UST: variants seen among roughly 807,000 people sequenced by gnomAD.
The protein encoded by UST is uronyl 2-sulfotransferase.
In UST, 21 loss-of-function variants were observed where a neutral mutation model predicts 45.6. The observed-to-expected ratio is 0.46, with a 90% CI of 0.33 to 0.66. UST has a LOEUF of 0.66. UST is among the 30% of genes least tolerant of loss of function. UST has a pLI of 0.02. For missense variants in UST, 463 were observed against 512.4 expected (o/e 0.90, Z 0.93); for synonymous variants, 215 against 200.6 (o/e 1.07, Z -0.61).
intron 7 of UST, among the ~76,000 whole-genome samples, chr6:149,024,643 C>A (rs1329935340): frequency 5.9e-5 from 9 of 152,278 alleles, no homozygotes; most frequent in Middle Eastern, 6.8e-3. Flanking sequence ...GAGTTGGTGT[C>A]AAGTAGGTTA....
intron 1 of UST, among the ~76,000 whole-genome samples, chr6:148,767,942 G>GT (rs1000586051): frequency 7.2e-5 from 11 of 151,832 alleles, no homozygotes; most frequent in African/African-American, 1.7e-4. Context: ...CCCATTTCTA[G>GT]TTTTTTTTGT....
At chr6:148,761,597 G>A (rs1050898918) in intron 1 of UST, among the ~76,000 whole-genome samples, 3 of 152,204 alleles carry the variant, frequency 2.0e-5, no homozygotes, top group Non-Finnish European at 4.4e-5. Flanking sequence ...ACCACAGTGG[G>A]GAAGAAACCA....
intron 5 of UST, among the ~76,000 whole-genome samples, chr6:149,008,086 T>A (rs548020342): frequency 2.0e-5 from 3 of 152,140 alleles, no homozygotes; most frequent in Admixed American, 6.5e-5. Context: ...GTGCAGTCCG[T>A]GAGCTAACTT....
intron 1 of UST, among the ~76,000 whole-genome samples, chr6:148,847,545 TC>T (rs1778015734): frequency 6.6e-6 from 1 of 152,196 alleles, no homozygotes; most frequent in Admixed American, 6.5e-5. Context: ...AAATTTCCCC[TC>T]GTGTGGTTGT....
intron 1 of UST, among the ~76,000 whole-genome samples, chr6:148,764,010 T>G (rs755936911): frequency 6.6e-6 from 1 of 152,212 alleles, no homozygotes; most frequent in Non-Finnish European, 1.5e-5. Flanking sequence ...ATTTTAGGAT[T>G]GTTTTTTCTA....
chr6:148,948,083 A>G (rs925856738), intron 3 of UST, among the ~76,000 whole-genome samples: 7 of 152,070 alleles, frequency 4.6e-5, no homozygotes, highest in African/African-American at 1.7e-4. Context: ...CTTCTTCTTC[A>G]TTGCAGGCGT....
At chr6:149,005,185 T>TGGGTA (rs1252505509) in intron 5 of UST, 18 of 483,814 alleles carry the variant, frequency 3.7e-5, no homozygotes, top group Non-Finnish European at 4.6e-5. Flanking sequence ...TCTTCTGGCT[T>TGGGTA]GGGTAGGGCA....
At chr6:148,908,148 C>T (rs1779403827) in intron 2 of UST, among the ~76,000 whole-genome samples, 1 of 152,026 alleles carries the variant, frequency 6.6e-6, no homozygotes, top group South Asian at 2.1e-4. Context: ...ACCAGGGTCT[C>T]ATTTTAGCTA....
chr6:148,756,102 C>T (rs1314337614), intron 1 of UST, among the ~76,000 whole-genome samples: 1 of 147,918 alleles, frequency 6.8e-6, no homozygotes, highest in African/African-American at 2.5e-5. Flanking sequence ...TGAGAACATG[C>T]GGTGTTTGGT....
chr6:148,956,259 T>C (rs1248513291), intron 4 of UST: 3 of 158,762 alleles, frequency 1.9e-5, no homozygotes, highest in Admixed American at 6.5e-5. Context: ...TCCGTTTTCA[T>C]GCTGCTGATA....
intron 1 of UST, among the ~76,000 whole-genome samples, chr6:148,853,013 A>G (rs1264919868): frequency 6.6e-6 from 1 of 152,180 alleles, no homozygotes; most frequent in African/African-American, 2.4e-5. Context: ...GGTTTGTTAC[A>G]TAGGTAAACG....
At chr6:149,033,341 G>A (rs1776185277) in intron 7 of UST, among the ~76,000 whole-genome samples, 2 of 152,166 alleles carry the variant, frequency 1.3e-5, no homozygotes, top group Admixed American at 1.3e-4. Context: ...ATTTTATAAT[G>A]GAAGCTTCTA....
In UST at chr6:148,924,322, T is replaced by G. The variant is rs538352792; in HGVS notation, c.292-16957T>G. On this transcript the variant is annotated intron_variant, in intron 2 of 7. Coordinates refer to ENST00000367463, the MANE Select transcript of UST (RefSeq NM_005715.3). ...CTCACCCCCACTTCAGGGCCAGATG[T>G]CCCTACTCATTGGTCCCTTATCACC... Among the ~76,000 whole-genome samples, 5 of 152,320 alleles carry G rather than the reference T, an allele frequency of 3.3e-5. No individual in the cohort carries two copies. The South Asian group carries it at 1.0e-3, about 32-fold the overall frequency.
intron 5 of UST, among the ~76,000 whole-genome samples, chr6:148,994,421 G>A (rs1781411706): frequency 6.6e-6 from 1 of 152,170 alleles, no homozygotes; most frequent in African/African-American, 2.4e-5. Flanking sequence ...GAAAACTGCT[G>A]ATAATCCAAA....
At position 149,008,510 on chromosome 6, in the gene UST, G is replaced by A. The variant is rs145056188; in HGVS notation, c.682-10629G>A. On this transcript the variant is annotated intron_variant, in intron 5 of 7. Transcript: ENST00000367463. ...AAGGACATGTTAAAGGGTGAGACAC[G>A]CAACAGTGAGCAGAAAAACAAGGTT... Among the ~76,000 whole-genome samples the A allele has an allele frequency of 1.9e-3, 296 of 152,234 alleles. 1 individual carries two copies. The highest frequency in any genetic ancestry group is 6.5e-3 in the African/African-American group (268 of 41,544).
chr6:149,025,023 T>C (rs1776030856), intron 7 of UST, among the ~76,000 whole-genome samples: 1 of 152,098 alleles, frequency 6.6e-6, no homozygotes, highest in Non-Finnish European at 1.5e-5. Context: ...TGTATACCAG[T>C]CTCATTACAG....
chr6:148,892,783 GAATAATTGATATAT>G (rs1199703170), intron 2 of UST, among the ~76,000 whole-genome samples: 10 of 151,874 alleles, frequency 6.6e-5, no homozygotes, highest in Non-Finnish European at 1.3e-4. Context: ...CCTTATTTGG[GAATAATTGATATAT>G]AACTGGTGGG....
intron 2 of UST, among the ~76,000 whole-genome samples, chr6:148,896,819 C>T (rs759645921): frequency 1.4e-4 from 21 of 152,150 alleles, no homozygotes; most frequent in Non-Finnish European, 2.2e-4. Flanking sequence ...TGAGAAGCAT[C>T]GGTTTTAGAA....
intron 1 of UST, among the ~76,000 whole-genome samples, chr6:148,766,722 A>T (rs963774118): frequency 6.6e-6 from 1 of 152,150 alleles, no homozygotes; most frequent in Non-Finnish European, 1.5e-5. Context: ...TGCATGATAG[A>T]ATAACCTGGA....
Sources: allele counts gnomAD v4.1 joint callset (sites outside exome capture counted in the v4.1 genomes callset), GRCh38; gene constraint gnomAD v4.1.1; transcripts MANE v1.5; gene names NCBI Gene and HGNC (gene_info 2026-07-23, HGNC 2026-07-21).